The following GRM8 variants were observed in gnomAD, a reference collection of about 807,000 sequenced individuals.
The protein encoded by GRM8 is glutamate metabotropic receptor 8.
In GRM8, 47 loss-of-function variants were observed where a neutral mutation model predicts 87.2. The ratio of observed to expected loss-of-function variants is 0.54; its 90% confidence interval spans 0.43 to 0.69. The LOEUF is 0.69. GRM8 is among the 30% of genes least tolerant of loss of function. The probability of loss-of-function intolerance (pLI) is 0.00; values close to 1 mark genes in which losing one functional copy is unlikely to be tolerated. For synonymous variants in GRM8, 396 were observed against 404.5 expected, an observed-to-expected ratio of 0.98 and a Z score of 0.25; for missense variants, 1,019 against 1,139.2, an observed-to-expected ratio of 0.89 and a Z score of 1.52.
intron 9 of GRM8, among the ~76,000 whole-genome samples, chr7:126,521,885 T>C (rs1249248616): frequency 6.6e-6 from 1 of 152,210 alleles, no homozygotes; most frequent in Non-Finnish European, 1.5e-5. Flanking sequence ...CCACATTATT[T>C]AGCAGATTTG....
chr7:126,547,085 T>A (rs1391370141), intron 8 of GRM8, among the ~76,000 whole-genome samples: 1 of 152,212 alleles, frequency 6.6e-6, no homozygotes, highest in Non-Finnish European at 1.5e-5. Context: ...TTGGGAATTT[T>A]TAGATTTAGC....
rs1812038668 is a variant in GRM8 at position 126,515,509 on chromosome 7, A to G, written c.2430+17443T>C. ...TACCAGAAACTCAGCAGCCTAAAAC[A>G]ACACAAAGTCACTGCCCTGCAGTTT... On this transcript the variant is annotated intron_variant, in intron 9 of 10. Coordinates refer to ENST00000339582, the MANE Select transcript of GRM8 (RefSeq NM_000845.3). Among the ~76,000 whole-genome samples the G allele has an allele frequency of 2.6e-5, 4 of 152,138 alleles. No individual in the cohort carries two copies. In the South Asian group the frequency reaches 8.3e-4, roughly 31 times the overall value.
chr7:126,925,003 T>C (rs530913717), intron 3 of GRM8, among the ~76,000 whole-genome samples: 1 of 152,002 alleles, frequency 6.6e-6, no homozygotes, highest in East Asian at 1.9e-4. Context: ...AGAAAAGATA[T>C]AGAAATGGAG....
intron 3 of GRM8, among the ~76,000 whole-genome samples, chr7:126,911,170 GTAA>G (rs1803250204): frequency 6.6e-6 from 1 of 152,108 alleles, no homozygotes; most frequent in Non-Finnish European, 1.5e-5. Flanking sequence ...CATTTTATGT[GTAA>G]TATTATCAAA....
intron 7 of GRM8, among the ~76,000 whole-genome samples, chr7:126,725,058 TG>T (rs1400247861): frequency 6.6e-6 from 1 of 152,196 alleles, no homozygotes; most frequent in Non-Finnish European, 1.5e-5. Flanking sequence ...TCAAGATGAC[TG>T]AAGATGTTTC....
chr7:126,450,880 T>C (rs1802546364), intron 9 of GRM8, among the ~76,000 whole-genome samples: 1 of 151,860 alleles, frequency 6.6e-6, no homozygotes, highest in South Asian at 2.1e-4. Flanking sequence ...TTGCTTAGTC[T>C]TTTTCTCTCT....
chr7:127,239,864 T>A (rs1798183752), intron 2 of GRM8, among the ~76,000 whole-genome samples: 1 of 152,198 alleles, frequency 6.6e-6, no homozygotes, highest in Non-Finnish European at 1.5e-5. Flanking sequence ...GGCACTGACA[T>A]CTCACTGACG....
chr7:126,851,893 T>G (rs1210393813), intron 6 of GRM8, among the ~76,000 whole-genome samples: 1 of 152,174 alleles, frequency 6.6e-6, no homozygotes, highest in Admixed American at 6.5e-5. Context: ...GTTTCTCTCC[T>G]AACCCCCATA....
At chr7:126,507,296 G>A (rs970438989) in intron 9 of GRM8, among the ~76,000 whole-genome samples, 3 of 152,064 alleles carry the variant, frequency 2.0e-5, no homozygotes, top group African/African-American at 7.2e-5. Context: ...ACCTATCTTT[G>A]TGACCTCAGG....
chr7:126,831,488 G>A (rs189901642), intron 6 of GRM8, among the ~76,000 whole-genome samples: 92 of 152,314 alleles, frequency 6.0e-4, no homozygotes, highest in African/African-American at 1.9e-3. Context: ...CTCCGTGGGC[G>A]TAGGACACTC....
chr7:126,442,161 C>A (rs758836009), intron 10 of GRM8, among the ~76,000 whole-genome samples: 143 of 152,128 alleles, frequency 9.4e-4, no homozygotes, highest in Non-Finnish European at 6.0e-4. Context: ...TCCCTCCCTC[C>A]TTTCCTCCCT....
intron 7 of GRM8, among the ~76,000 whole-genome samples, chr7:126,738,710 T>G (rs1376913932): frequency 4.6e-4 from 52 of 113,210 alleles, no homozygotes; most frequent in South Asian, 7.0e-4. Flanking sequence ...GAGTGGGGGG[T>G]TGGGGGATGC....
At chr7:126,875,904 A>T (rs905685064) in intron 6 of GRM8, among the ~76,000 whole-genome samples, 10 of 152,124 alleles carry the variant, frequency 6.6e-5, no homozygotes, top group Non-Finnish European at 4.4e-5. Flanking sequence ...GTTGCCACAC[A>T]GGCCATTATC....
chr7:126,938,659 C>T (rs1394598491), intron 3 of GRM8, among the ~76,000 whole-genome samples: 1 of 152,080 alleles, frequency 6.6e-6, no homozygotes, highest in Non-Finnish European at 1.5e-5. Flanking sequence ...CTTGAAAACA[C>T]TTTATCTTAA....
intron 6 of GRM8, among the ~76,000 whole-genome samples, chr7:126,850,590 GA>G (rs1353484448): frequency 6.6e-6 from 1 of 152,168 alleles, no homozygotes; most frequent in Non-Finnish European, 1.5e-5. Flanking sequence ...CCAAGGAAGG[GA>G]AGTTTCACTG....
At chr7:126,757,422 A>G (rs964286309) in intron 7 of GRM8, among the ~76,000 whole-genome samples, 1 of 151,998 alleles carries the variant, frequency 6.6e-6, no homozygotes, top group Admixed American at 6.6e-5. Context: ...GATTTACTGC[A>G]CTCTTCTGTA....
chr7:126,668,392 C>T (rs533345255), intron 7 of GRM8, among the ~76,000 whole-genome samples: 6 of 152,186 alleles, frequency 3.9e-5, no homozygotes, highest in Non-Finnish European at 8.8e-5. Flanking sequence ...CTTACTGTTC[C>T]TTCTAAGCCT....
rs1455501583 is a variant in GRM8 at position 126,487,752 on chromosome 7, A to G, written c.2431-41380T>C. Among the ~76,000 whole-genome samples the G allele has an allele frequency of 2.0e-5, 3 of 151,982 alleles. No individual in the cohort carries two copies. The East Asian group carries it at 5.8e-4, about 29-fold the overall frequency. ...ACTTGTTAATATCGTCACCAATCTC[A>G]CCAAAAAAAGTATTTAAGAACGGAA... is the stretch of plus-strand genomic sequence containing the variant. On this transcript the variant is annotated intron_variant, in intron 9 of 10. Coordinates refer to ENST00000339582, the MANE Select transcript of GRM8 (RefSeq NM_000845.3).
intron 7 of GRM8, among the ~76,000 whole-genome samples, chr7:126,746,220 C>T (rs1815658465): frequency 6.6e-6 from 1 of 151,742 alleles, no homozygotes; most frequent in African/African-American, 2.4e-5. Context: ...AATAAACCTT[C>T]AATGTATGGC....
Sources: allele counts gnomAD v4.1 joint callset (sites outside exome capture counted in the v4.1 genomes callset), GRCh38; gene constraint gnomAD v4.1.1; transcripts MANE v1.5; gene names NCBI Gene and HGNC (gene_info 2026-07-23, HGNC 2026-07-21).